ANO3: variants seen among roughly 807,000 people sequenced by gnomAD.
The protein encoded by ANO3 is anoctamin-3.
A neutral mutation model predicts 144.8 loss-of-function variants in ANO3; 99 were observed. The observed-to-expected ratio is 0.68, with a 90% confidence interval of 0.58 to 0.81. The LOEUF is 0.81. ANO3 is among the 30% of genes least tolerant of loss of function. The pLI is 0.00. For synonymous variants in ANO3, 414 were observed against 392.6 expected (o/e 1.05, Z -0.64); for missense variants, 905 against 1,202.2 (o/e 0.75, Z 3.66).
At chr11:26,308,016 T>C (rs572811574), upstream of ANO3, among the ~76,000 whole-genome samples, 1 of 152,278 alleles carries the variant, frequency 6.6e-6, no homozygotes, top group South Asian at 2.1e-4. Flanking sequence ...CCTTCTACTT[T>C]TGGAGTTCAG....
upstream of ANO3, among the ~76,000 whole-genome samples, chr11:26,329,812 ATTTT>A (rs34683057): frequency 7.2e-5 from 10 of 139,446 alleles, no homozygotes; most frequent in South Asian, 4.6e-4. Flanking sequence ...AGGGACTTAA[ATTTT>A]TTTTTTTTTT....
At chr11:26,264,096 G>A (rs1156434375) in intron 1 of ANO3, among the ~76,000 whole-genome samples, 2 of 152,190 alleles carry the variant, frequency 1.3e-5, no homozygotes, top group African/African-American at 4.8e-5. Context: ...AACCCAAGGA[G>A]GGGTAGGGCC....
chr11:26,228,853 G>C (rs1385838516), intron 1 of ANO3, among the ~76,000 whole-genome samples: 1 of 152,182 alleles, frequency 6.6e-6, no homozygotes, highest in Non-Finnish European at 1.5e-5. Context: ...CACTTGGTGG[G>C]AGACGGTTGT....
chr11:26,406,972 G>A (rs190770554), intron 1 of ANO3, among the ~76,000 whole-genome samples: 65 of 133,628 alleles, frequency 4.9e-4, no homozygotes, highest in Admixed American at 1.6e-3. Flanking sequence ...ATACACACAC[G>A]TATATATATA....
At chr11:26,297,772 C>A (rs146056345) in intron 1 of ANO3, among the ~76,000 whole-genome samples, 3 of 152,260 alleles carry the variant, frequency 2.0e-5, no homozygotes, top group African/African-American at 7.2e-5. Flanking sequence ...CCATGTGTAT[C>A]ATTTCTTTTA....
intron 1 of ANO3, among the ~76,000 whole-genome samples, chr11:26,229,877 A>G (rs1180923417): frequency 1.3e-5 from 2 of 152,222 alleles, no homozygotes; most frequent in African/African-American, 4.8e-5. Flanking sequence ...ACATGAATAA[A>G]AGGATAACAG....
At chr11:26,400,628 T>C (rs1857123063) in intron 1 of ANO3, among the ~76,000 whole-genome samples, 1 of 151,904 alleles carries the variant, frequency 6.6e-6, no homozygotes, top group Non-Finnish European at 1.5e-5. Context: ...TTTTCTTTCA[T>C]TAATATGTTT....
intron 1 of ANO3, among the ~76,000 whole-genome samples, chr11:26,388,144 T>C (rs749584552): frequency 3.7e-4 from 56 of 151,072 alleles, no homozygotes; most frequent in Admixed American, 1.4e-3. Flanking sequence ...TTATTTTTTA[T>C]CAACTTTGTA....
At chr11:26,316,210 C>A (rs944373080) in intron 1 of ANO3, among the ~76,000 whole-genome samples, 2 of 152,118 alleles carry the variant, frequency 1.3e-5, no homozygotes, top group African/African-American at 4.8e-5. Context: ...AAGACACACA[C>A]AAGATAGTGA....
intron 9 of ANO3, 30 bp downstream of exon 9, chr11:26,534,592 A>G (rs1213001669): frequency 6.9e-7 from 1 of 1,440,404 alleles, no homozygotes; most frequent in South Asian, 1.2e-5. Flanking sequence ...ACAGAGTAGA[A>G]CTTGCTGTTA....
chr11:26,552,985 AAG>A (rs1442799566), intron 12 of ANO3, among the ~76,000 whole-genome samples: 19 of 152,352 alleles, frequency 1.2e-4, no homozygotes, highest in African/African-American at 4.6e-4. Context: ...ATTGTAGACA[AAG>A]TTTCACCATT....
At chr11:26,515,446 C>A (rs1026433977) in intron 5 of ANO3, among the ~76,000 whole-genome samples, 3 of 151,826 alleles carry the variant, frequency 2.0e-5, no homozygotes, top group Non-Finnish European at 4.4e-5. Context: ...GCTTCTAATA[C>A]TCTATGGAAA....
At chr11:26,404,407 T>C (rs1471557136) in intron 1 of ANO3, among the ~76,000 whole-genome samples, 1 of 151,858 alleles carries the variant, frequency 6.6e-6, no homozygotes, top group African/African-American at 2.4e-5. Flanking sequence ...AAACTACTGC[T>C]TCCTGAGACA....
At chr11:26,279,796 C>T (rs1853639602) in intron 1 of ANO3, among the ~76,000 whole-genome samples, 1 of 152,142 alleles carries the variant, frequency 6.6e-6, no homozygotes, top group African/African-American at 2.4e-5. Flanking sequence ...TCCTTATTTC[C>T]ACTGTGATTG....
intron 1 of ANO3, among the ~76,000 whole-genome samples, chr11:26,371,551 G>A (rs1856257682): frequency 6.6e-6 from 1 of 152,182 alleles, no homozygotes. Context: ...CTTGCACCAT[G>A]CACCTGGAAG....
chr11:26,324,678 C>T (rs1422014416), intron 1 of ANO3, among the ~76,000 whole-genome samples: 4 of 152,142 alleles, frequency 2.6e-5, no homozygotes, highest in African/African-American at 7.2e-5. Context: ...GATTGGCTCA[C>T]GTGGGGGCTG....
chr11:26,211,013 G>A (rs1851921371), intron 1 of ANO3, among the ~76,000 whole-genome samples: 1 of 151,992 alleles, frequency 6.6e-6, no homozygotes. Flanking sequence ...GTATCTAATA[G>A]ACATCGACAC....
At chr11:26,413,960 A>T (rs1433299961) in intron 1 of ANO3, among the ~76,000 whole-genome samples, 1 of 152,130 alleles carries the variant, frequency 6.6e-6, no homozygotes, top group Non-Finnish European at 1.5e-5. Flanking sequence ...CTTCTCTTAG[A>T]CACAGAGTGA....
chr11:26,267,863 T>C (rs972347528), intron 1 of ANO3, among the ~76,000 whole-genome samples: 1 of 151,914 alleles, frequency 6.6e-6, no homozygotes, highest in Non-Finnish European at 1.5e-5. Flanking sequence ...TAACTTTCTT[T>C]TGTCTCATTT....
Sources: allele counts gnomAD v4.1 joint callset (sites outside exome capture counted in the v4.1 genomes callset), GRCh38; gene constraint gnomAD v4.1.1; transcripts MANE v1.5; gene names NCBI Gene and HGNC (gene_info 2026-07-23, HGNC 2026-07-21).